The following PPM1E variants were observed in gnomAD, a reference collection of about 807,000 sequenced individuals.
PPM1E encodes the protein protein phosphatase 1E.
A neutral mutation model predicts 65.9 loss-of-function variants in PPM1E; 20 were observed. That is an observed-to-expected ratio of 0.30 (90% CI 0.21 to 0.44). The LOEUF is 0.44. PPM1E is among the 20% of genes least tolerant of loss of function. PPM1E has a pLI of 1.00. For missense variants in PPM1E, 713 were observed against 953.1 expected (o/e 0.75, Z 3.32); for synonymous variants, 352 against 374.9 (o/e 0.94, Z 0.70).
At chr17:58,916,487 A>G (rs369809284) in intron 1 of PPM1E, among the ~76,000 whole-genome samples, 15 of 152,314 alleles carry the variant, frequency 9.8e-5, no homozygotes, top group African/African-American at 3.6e-4. Context: ...ATAGCCCCGC[A>G]CAGTGGCTCA....
At chr17:58,879,609 C>T (rs2051168973) in intron 1 of PPM1E, among the ~76,000 whole-genome samples, 1 of 148,028 alleles carries the variant, frequency 6.8e-6, no homozygotes, top group East Asian at 2.0e-4. Context: ...CCCGGGTTCA[C>T]GCCATTCTCC....
At chr17:58,811,148 T>C (rs1212738967) in intron 1 of PPM1E, among the ~76,000 whole-genome samples, 1 of 152,080 alleles carries the variant, frequency 6.6e-6, no homozygotes, top group East Asian at 1.9e-4. Context: ...GTGAGTCACC[T>C]CACCCAGCCT....
Position 58,869,258 on chromosome 17 carries a change from T to C in PPM1E, c.465-86391T>C, listed in dbSNP as rs2051042195. The stretch of plus-strand genomic sequence containing the variant: ...GGCCTGAATATTTTTTAATGTTTTT[T>C]CCCCAAATCTTTCATAGTGTGACAT... On this transcript the variant is annotated intron_variant, in intron 1 of 6. Coordinates refer to ENST00000308249, the MANE Select transcript of PPM1E (RefSeq NM_014906.5). 2.0e-5 allele frequency among the ~76,000 whole-genome samples: 3 copies of C among 152,314 alleles called. No homozygotes were observed. In the South Asian group the frequency reaches 6.2e-4, roughly 32 times the overall value.
chr17:58,851,871 C>T (rs1487890545), intron 1 of PPM1E, among the ~76,000 whole-genome samples: 2 of 152,206 alleles, frequency 1.3e-5, no homozygotes, highest in Non-Finnish European at 2.9e-5. Flanking sequence ...ATGCCCTGCT[C>T]CCAGAGGTGG....
At chr17:58,944,062 T>C (rs532827368) in intron 1 of PPM1E, among the ~76,000 whole-genome samples, 11 of 152,042 alleles carry the variant, frequency 7.2e-5, no homozygotes, top group Admixed American at 6.6e-5. Context: ...TTCTACACCA[T>C]TCTAAAACAA....
At chr17:58,895,193 G>T (rs963200280) in intron 1 of PPM1E, among the ~76,000 whole-genome samples, 1 of 152,134 alleles carries the variant, frequency 6.6e-6, no homozygotes, top group Admixed American at 6.5e-5. Flanking sequence ...AATAAATATT[G>T]TGTGTTCTGA....
At chr17:58,839,988 C>T (rs1019225066) in intron 1 of PPM1E, among the ~76,000 whole-genome samples, 3 of 152,140 alleles carry the variant, frequency 2.0e-5, no homozygotes, top group African/African-American at 7.2e-5. Flanking sequence ...TGAATAATTC[C>T]CTAGAGGTAC....
At chr17:58,905,758 C>A (rs572602983) in intron 1 of PPM1E, among the ~76,000 whole-genome samples, 3 of 151,940 alleles carry the variant, frequency 2.0e-5, no homozygotes, top group Admixed American at 2.0e-4. Flanking sequence ...CAGCCTATTT[C>A]CCTTTTTTAA....
intron 1 of PPM1E, among the ~76,000 whole-genome samples, chr17:58,867,996 G>T (rs1179769186): frequency 6.6e-6 from 1 of 152,106 alleles, no homozygotes; most frequent in African/African-American, 2.4e-5. Flanking sequence ...GTAAGAAGGT[G>T]GGATTTATTA....
intron 2 of PPM1E, among the ~76,000 whole-genome samples, chr17:58,962,875 T>A (rs1214362288): frequency 1.3e-5 from 2 of 149,414 alleles, no homozygotes; most frequent in African/African-American, 4.9e-5. Flanking sequence ...AGGCCAGGAG[T>A]TTGAGATGAG....
At chr17:58,757,001 G>C (rs1480358500) in intron 1 of PPM1E, among the ~76,000 whole-genome samples, 2 of 152,172 alleles carry the variant, frequency 1.3e-5, no homozygotes, top group African/African-American at 4.8e-5. Flanking sequence ...TGGTTATACC[G>C]GCCCCGTATC....
chr17:58,829,568 G>C (rs1468751749), intron 1 of PPM1E, among the ~76,000 whole-genome samples: 1 of 151,948 alleles, frequency 6.6e-6, no homozygotes. Context: ...CAGACTGTAC[G>C]TGCTGTATAC....
chr17:58,913,495 T>G (rs1428443786), intron 1 of PPM1E, among the ~76,000 whole-genome samples: 1 of 152,180 alleles, frequency 6.6e-6, no homozygotes, highest in Non-Finnish European at 1.5e-5. Context: ...AGAGAGCTGA[T>G]TTACTGAGAC....
At chr17:58,842,518 C>G (rs2050729969) in intron 1 of PPM1E, among the ~76,000 whole-genome samples, 1 of 152,100 alleles carries the variant, frequency 6.6e-6, no homozygotes, top group Non-Finnish European at 1.5e-5. Context: ...AAATCAAAAA[C>G]TGTTGGCTGG....
chr17:58,847,642 G>A (rs1276930048), intron 1 of PPM1E, among the ~76,000 whole-genome samples: 3 of 152,060 alleles, frequency 2.0e-5, no homozygotes, highest in Non-Finnish European at 4.4e-5. Flanking sequence ...CTCTGTTTTG[G>A]TACCAGTACC....
intron 1 of PPM1E, among the ~76,000 whole-genome samples, chr17:58,810,338 C>A (rs1488736501): frequency 6.6e-6 from 1 of 151,800 alleles, no homozygotes; most frequent in Admixed American, 6.6e-5. Flanking sequence ...TCCCGAGTAG[C>A]TGGGATTACA....
intron 1 of PPM1E, among the ~76,000 whole-genome samples, chr17:58,930,933 G>A (rs1479801646): frequency 1.3e-5 from 2 of 151,882 alleles, no homozygotes; most frequent in Admixed American, 1.3e-4. Context: ...CAGACTTGAG[G>A]CCAGGTGTGG....
chr17:58,837,332 TACACACACACAC>T (rs59797345), intron 1 of PPM1E, among the ~76,000 whole-genome samples: 1 of 131,364 alleles, frequency 7.6e-6, no homozygotes, highest in African/African-American at 2.9e-5. Context: ...CACACACACA[TACACACACACAC>T]ACACACACAC....
intron 1 of PPM1E, among the ~76,000 whole-genome samples, chr17:58,927,219 T>A (rs1004911279): frequency 1.3e-5 from 2 of 149,658 alleles, no homozygotes; most frequent in Non-Finnish European, 3.0e-5. Flanking sequence ...CTCCACCTCC[T>A]GGGTTCACGC....
Sources: gnomAD v4.1 joint callset for allele counts (sites outside exome capture counted in the v4.1 genomes callset) on GRCh38, gnomAD v4.1.1 for gene constraint, MANE v1.5 for transcripts, NCBI Gene and HGNC (gene_info 2026-07-23, HGNC 2026-07-21) for gene names.